The following KCNIP4 variants were observed in gnomAD, a reference collection of about 807,000 sequenced individuals.
The protein encoded by KCNIP4 is Kv channel-interacting protein 4.
A neutral mutation model predicts 34.0 loss-of-function variants in KCNIP4; 12 were observed. The ratio of observed to expected loss-of-function variants is 0.35; its 90% CI spans 0.23 to 0.57. The LOEUF (loss-of-function observed/expected upper bound fraction) is 0.57. KCNIP4 is among the 20% of genes least tolerant of loss of function. The probability of loss-of-function intolerance (pLI) is 0.83; values close to 1 mark genes in which losing one functional copy is unlikely to be tolerated. For synonymous variants in KCNIP4, 124 were observed against 102.2 expected (o/e 1.21, Z -1.29); for missense variants, 238 against 311.7 (o/e 0.76, Z 1.78).
chr4:21,691,595 T>A (rs1711637594), intron 1 of KCNIP4, among the ~76,000 whole-genome samples: 1 of 152,134 alleles, frequency 6.6e-6, no homozygotes, highest in South Asian at 2.1e-4. Flanking sequence ...AACTTAAACG[T>A]TTCTTTAAGT....
chr4:21,512,101 GAGGA>G (rs1734372830), intron 1 of KCNIP4, among the ~76,000 whole-genome samples: 1 of 120,286 alleles, frequency 8.3e-6, no homozygotes, highest in African/African-American at 3.3e-5. Context: ...GGGAGGGAGG[GAGGA>G]AAAGAGTGAG....
rs553858230 is a variant in KCNIP4, at chr4:21,558,732, G to A, written c.61+389839C>T. 8.0e-4 allele frequency among the ~76,000 whole-genome samples: 121 copies of A among 152,180 alleles called. 1 individual carries two copies. Among genetic ancestry groups the A allele is most frequent in the African/African-American group, 2.7e-3 (114 of 41,538 alleles). On this transcript the variant is annotated intron_variant, in intron 1 of 8. Transcript: ENST00000382152. ...GATTAAAGAAAAATAACTATTTCTT[G>A]CCTGTTTAAAGCCATGCCATTACAA...
intron 1 of KCNIP4, among the ~76,000 whole-genome samples, chr4:21,809,777 A>G (rs1312579108): frequency 6.6e-6 from 1 of 152,142 alleles, no homozygotes; most frequent in African/African-American, 2.4e-5. Flanking sequence ...ATGCTACTCT[A>G]ATGATTTGCA....
In KCNIP4 at chr4:21,394,192, C is replaced by T. The variant is rs141454128; in HGVS notation, c.62-511483G>A. On this transcript the variant is annotated intron_variant, in intron 1 of 8. Coordinates refer to ENST00000382152, the MANE Select transcript of KCNIP4 (RefSeq NM_025221.6). Reference sequence around the variant, plus strand: ...TTCCATAATAACAATTTCAGTACTACCATCATTTGCATAAAGGCAATGTCT... The same window carrying T: ...TTCCATAATAACAATTTCAGTACTATCATCATTTGCATAAAGGCAATGTCT... 5.2e-3 allele frequency among the ~76,000 whole-genome samples: 798 copies of T among 152,232 alleles called. 3 individuals are homozygous for T. Among genetic ancestry groups the T allele is most frequent in the Non-Finnish European group, 9.0e-3 (610 of 68,016 alleles).
chr4:21,238,347 C>T (rs1759534567), intron 1 of KCNIP4, among the ~76,000 whole-genome samples: 1 of 152,154 alleles, frequency 6.6e-6, no homozygotes, highest in Non-Finnish European at 1.5e-5. Flanking sequence ...TCTCACCACT[C>T]CTATTCAACA....
At chr4:21,042,032 CA>C (rs1242813518) in intron 1 of KCNIP4, among the ~76,000 whole-genome samples, 1 of 152,196 alleles carries the variant, frequency 6.6e-6, no homozygotes, top group Non-Finnish European at 1.5e-5. Flanking sequence ...GCAGCCAGCA[CA>C]ATGCTTCCAT....
At chr4:21,397,747 T>A (rs929700829) in intron 1 of KCNIP4, among the ~76,000 whole-genome samples, 2 of 152,214 alleles carry the variant, frequency 1.3e-5, no homozygotes, top group Admixed American at 1.3e-4. Flanking sequence ...CATTGATCAC[T>A]CTTGCTATGA....
At chr4:21,612,853 T>G (rs1354735761) in intron 1 of KCNIP4, among the ~76,000 whole-genome samples, 1 of 152,170 alleles carries the variant, frequency 6.6e-6, no homozygotes, top group African/African-American at 2.4e-5. Flanking sequence ...AAGCACTATG[T>G]AAAGAGTACT....
At chr4:20,975,240 C>A (rs1372432735) in intron 1 of KCNIP4, among the ~76,000 whole-genome samples, 1 of 152,064 alleles carries the variant, frequency 6.6e-6, no homozygotes, top group African/African-American at 2.4e-5. Flanking sequence ...TATTTTTTAA[C>A]ATTTGTTCAT....
intron 1 of KCNIP4, among the ~76,000 whole-genome samples, chr4:21,932,177 T>C (rs1473019116): frequency 6.6e-6 from 1 of 152,116 alleles, no homozygotes; most frequent in Non-Finnish European, 1.5e-5. Context: ...ACCATGAGTA[T>C]CTAATGTAAT....
chr4:21,092,564 G>A (rs1363082984), intron 1 of KCNIP4, among the ~76,000 whole-genome samples: 1 of 152,170 alleles, frequency 6.6e-6, no homozygotes, highest in Non-Finnish European at 1.5e-5. Context: ...AAGTTCTGTG[G>A]TGACTCCTTC....
intron 1 of KCNIP4, among the ~76,000 whole-genome samples, chr4:21,809,011 T>C (rs1193093124): frequency 6.6e-6 from 1 of 152,218 alleles, no homozygotes; most frequent in Non-Finnish European, 1.5e-5. Context: ...TAAATTGCTC[T>C]GGATTTGAAA....
At position 21,754,635 on chromosome 4, in the gene KCNIP4, T is replaced by A. The variant is rs566286712; in HGVS notation, c.61+193936A>T. 2.0e-5 allele frequency among the ~76,000 whole-genome samples: 3 copies of A among 152,294 alleles called. No individual in the cohort carries two copies. The South Asian group carries it at 6.2e-4, about 32-fold the overall frequency. On this transcript the variant is annotated intron_variant, in intron 1 of 8. Transcript: ENST00000382152. ...GCAGAAAGCCTGGCCTCTTGATCAT[T>A]ACTCTAAATTGTCCCACTTCAAATA...
chr4:20,805,405 G>T (rs563379598), intron 3 of KCNIP4, among the ~76,000 whole-genome samples: 1 of 151,828 alleles, frequency 6.6e-6, no homozygotes, highest in East Asian at 1.9e-4. Context: ...GCCAAGCTTT[G>T]TAACTGTTCT....
chr4:21,948,585 G>C lies in KCNIP4; in HGVS notation c.47C>G (p.Ala16Gly), dbSNP rs1328278118. ...TTGCATCCTACCGCCTGTAGAGCTG[G>C]CCTCCTCCAGCTGAGCCGAAATGCT... ...VESISAQLEE[A>G]SSTGGFLYAQ... is the part of the protein sequence containing the mutation. The change falls in exon 1 of 9, where the codon GCC becomes GGC. Residue 16 changes from alanine (A) to glycine (G), a missense_variant. Physicochemically the swap from Ala to Gly is moderately conservative, Grantham distance 60. Coordinates refer to ENST00000382152, the MANE Select transcript of KCNIP4 (RefSeq NM_025221.6). The C allele has an allele frequency of 1.9e-6, 3 of 1,613,468 alleles. No individual in the cohort carries two copies. The highest frequency in any genetic ancestry group is 2.5e-6 in the Non-Finnish European group (3 of 1,179,732).
intron 1 of KCNIP4, among the ~76,000 whole-genome samples, chr4:21,155,575 T>C (rs1041535944): frequency 3.3e-5 from 5 of 152,168 alleles, no homozygotes; most frequent in Admixed American, 2.0e-4. Flanking sequence ...TAAAGAGCTA[T>C]TGGACGTTCT....
intron 1 of KCNIP4, among the ~76,000 whole-genome samples, chr4:21,539,744 G>A (rs1737516084): frequency 6.6e-6 from 1 of 152,028 alleles, no homozygotes; most frequent in African/African-American, 2.4e-5. Context: ...ACTTTGGGAG[G>A]CCCAGGCAGG....
intron 2 of KCNIP4, among the ~76,000 whole-genome samples, chr4:20,870,002 G>A (rs1441226898): frequency 6.6e-6 from 1 of 152,062 alleles, no homozygotes; most frequent in Non-Finnish European, 1.5e-5. Context: ...ATAGTGGCTG[G>A]CACATAGTGT....
chr4:21,556,636 A>C lies in KCNIP4; in HGVS notation c.61+391935T>G, dbSNP rs546987772. ...TGGAATACTACTTCAAAAATACATC[A>C]GAGGCCAGGCATTGTGGCTCATGCC... On this transcript the variant is annotated intron_variant, in intron 1 of 8. Coordinates refer to ENST00000382152, the MANE Select transcript of KCNIP4 (RefSeq NM_025221.6). 7.9e-5 allele frequency among the ~76,000 whole-genome samples: 12 copies of C among 152,216 alleles called. No homozygotes were observed. The East Asian group carries it at 2.3e-3, about 30-fold the overall frequency.
Sources: gnomAD v4.1 joint callset for allele counts (sites outside exome capture counted in the v4.1 genomes callset) on GRCh38, gnomAD v4.1.1 for gene constraint, MANE v1.5 for transcripts, NCBI Gene and HGNC (gene_info 2026-07-23, HGNC 2026-07-21) for gene names.